Variants in VEGFC observed in about 807,000 individuals in gnomAD.
VEGFC encodes the protein FLT4 ligand DHM.
VEGFC carries 12 observed loss-of-function variants against 46.1 expected under a neutral mutation model. The observed-to-expected ratio is 0.26, with a 90% CI of 0.17 to 0.42. VEGFC has a LOEUF of 0.42. Ranked by LOEUF, VEGFC falls within the 10% of genes least tolerant of loss-of-function variation. The probability of loss-of-function intolerance (pLI) is 1.00; values close to 1 mark genes in which losing one functional copy is unlikely to be tolerated. For synonymous variants in VEGFC, 232 were observed against 195.5 expected, an observed-to-expected ratio of 1.19 and a Z score of -1.56; for missense variants, 488 against 529.4, an observed-to-expected ratio of 0.92 and a Z score of 0.77.
Position 176,719,204 on chromosome 4 carries a change from A to G in VEGFC, c.553-7554T>C, listed in dbSNP as rs73872163. ...AGTATCTATAAAAAACTTGAGTTTA[A>G]CATTACCTAAGGTACATTGTCCTTA... On this transcript the variant is annotated intron_variant, in intron 3 of 6. Coordinates refer to ENST00000618562, the MANE Select transcript of VEGFC (RefSeq NM_005429.5). 2.1e-3 allele frequency among the ~76,000 whole-genome samples: 315 copies of G among 152,354 alleles called. 3 individuals are homozygous for G. Among genetic ancestry groups the G allele is most frequent in the African/African-American group, 7.3e-3 (302 of 41,584 alleles).
At chr4:176,752,613 T>C (rs1481415569) in intron 1 of VEGFC, among the ~76,000 whole-genome samples, 1 of 152,096 alleles carries the variant, frequency 6.6e-6, no homozygotes, top group Non-Finnish European at 1.5e-5. Flanking sequence ...AGACATCCTC[T>C]GATTAAAATT....
intron 4 of VEGFC, among the ~76,000 whole-genome samples, chr4:176,702,424 T>C (rs756715749): frequency 6.6e-6 from 1 of 152,152 alleles, no homozygotes; most frequent in Non-Finnish European, 1.5e-5. Context: ...ATATTTATTA[T>C]CCATTAAAAA....
intron 1 of VEGFC, among the ~76,000 whole-genome samples, chr4:176,736,066 G>A (rs555210433): frequency 2.3e-4 from 35 of 151,740 alleles, no homozygotes; most frequent in Non-Finnish European, 4.1e-4. Context: ...GCCCCACCTC[G>A]AAGACCCACC....
intron 3 of VEGFC, among the ~76,000 whole-genome samples, chr4:176,712,141 G>A (rs906070389): frequency 9.2e-5 from 14 of 152,040 alleles, no homozygotes; most frequent in African/African-American, 2.9e-4. Flanking sequence ...TTACATAGAT[G>A]TAAAGTTAAT....
chr4:176,750,947 A>AG (rs1392837219), intron 1 of VEGFC, among the ~76,000 whole-genome samples: 2 of 151,848 alleles, frequency 1.3e-5, no homozygotes, highest in East Asian at 3.9e-4. Context: ...AAGAAAAAAA[A>AG]GAAAGAGAAC....
At chr4:176,769,211 A>T (rs777514244) in intron 1 of VEGFC, among the ~76,000 whole-genome samples, 5 of 152,106 alleles carry the variant, frequency 3.3e-5, no homozygotes, top group Admixed American at 6.5e-5. Flanking sequence ...CAACCTCCAG[A>T]ACTATGAACA....
chr4:176,728,104 TG>T, intron 2 of VEGFC, 136 bp from the exon 3 acceptor site: 1 of 606,918 alleles, frequency 1.6e-6, no homozygotes, highest in Admixed American at 3.6e-5. Flanking sequence ...AGACAGCTGA[TG>T]GGATCCTAAA....
intron 1 of VEGFC, among the ~76,000 whole-genome samples, chr4:176,788,442 T>A (rs375604741): frequency 6.6e-6 from 1 of 152,220 alleles, no homozygotes; most frequent in South Asian, 2.1e-4. Context: ...GCAGAGGGGC[T>A]GAAAGGAGTC....
intron 1 of VEGFC, among the ~76,000 whole-genome samples, chr4:176,732,617 G>A (rs1734986288): frequency 1.3e-5 from 2 of 151,766 alleles, no homozygotes; most frequent in South Asian, 4.1e-4. Context: ...ATCCGTGAAA[G>A]TGGATGGAAA....
chr4:176,759,892 A>T (rs28608152), intron 1 of VEGFC, among the ~76,000 whole-genome samples: 1 of 152,076 alleles, frequency 6.6e-6, no homozygotes, highest in Non-Finnish European at 1.5e-5. Flanking sequence ...AAATATATTA[A>T]AATATTTTTA....
At chr4:176,770,459 A>G (rs1164277736) in intron 1 of VEGFC, among the ~76,000 whole-genome samples, 1 of 148,748 alleles carries the variant, frequency 6.7e-6, no homozygotes, top group Non-Finnish European at 1.5e-5. Flanking sequence ...ATGATTTTCT[A>G]AATATGCTTA....
In VEGFC at chr4:176,713,821, G is replaced by A. The variant is rs574768897; in HGVS notation, c.553-2171C>T. Among the ~76,000 whole-genome samples the A allele has an allele frequency of 1.9e-4, 29 of 152,306 alleles. No individual in the cohort carries two copies. In the South Asian group the frequency reaches 5.8e-3, roughly 30 times the overall value. On this transcript the variant is annotated intron_variant, in intron 3 of 6. Coordinates refer to ENST00000618562, the MANE Select transcript of VEGFC (RefSeq NM_005429.5). The stretch of plus-strand genomic sequence containing the variant: ...TGATGGAGCATCAGGAGGGGAGACT[G>A]TCAAGCCAACGGGTGCCAGAGAAAG...
rs145504348 is a variant in VEGFC, at chr4:176,768,491, C to CATATATATATATATATATATATATATAT, written c.147+23673_147+23674insATATATATATATATATATATATATATAT. Reference sequence around the variant, plus strand: ...CTGCCAAGTAAGAGGATGTTTTATACATATATATATATATATATATATTTC... The same window carrying CATATATATATATATATATATATATATAT: ...CTGCCAAGTAAGAGGATGTTTTATACATATATATATATATATATATATATATATATATATATATATATATATATATTTC... On this transcript the variant is annotated intron_variant, in intron 1 of 6. Coordinates refer to ENST00000618562, the MANE Select transcript of VEGFC (RefSeq NM_005429.5). Among the ~76,000 whole-genome samples the CATATATATATATATATATATATATATAT allele has an allele frequency of 6.0e-4, 60 of 100,538 alleles. 2 individuals carry two copies. Among genetic ancestry groups the CATATATATATATATATATATATATATAT allele is most frequent in the South Asian group, 1.0e-3 (2 of 2,002 alleles). 66.0% of individuals were successfully genotyped at this position (100,538 alleles called of 152,430 possible).
rs2111027864 is a variant in VEGFC at position 176,738,303 on chromosome 4, A to C, written c.148-8557T>G. Among the ~76,000 whole-genome samples the C allele has an allele frequency of 2.0e-5, 3 of 152,180 alleles. No homozygotes were observed. The South Asian group carries it at 6.2e-4, about 31-fold the overall frequency. On this transcript the variant is annotated intron_variant, in intron 1 of 6. Transcript: ENST00000618562. The stretch of plus-strand genomic sequence containing the variant: ...ATCACACTACCTGATTTCAAACTAT[A>C]CTACAAGTCAACAGTAACCAAAACA...
intron 4 of VEGFC, among the ~76,000 whole-genome samples, chr4:176,700,157 C>T (rs1734401283): frequency 6.6e-6 from 1 of 152,218 alleles, no homozygotes; most frequent in African/African-American, 2.4e-5. Context: ...TGGCTTACGC[C>T]TGTAATCCCA....
chr4:176,767,291 T>A (rs903206102), intron 1 of VEGFC, among the ~76,000 whole-genome samples: 1 of 152,122 alleles, frequency 6.6e-6, no homozygotes, highest in African/African-American at 2.4e-5. Context: ...TGCTATTACA[T>A]CACCACCACA....
At chr4:176,691,850 C>T (rs112221882) in intron 4 of VEGFC, among the ~76,000 whole-genome samples, 34,425 of 151,492 alleles carry the variant, frequency 0.23, 6,276 homozygotes, top group African/African-American at 0.52. Flanking sequence ...CTGAGCAACG[C>T]AGAAGACGGG....
chr4:176,687,131 G>A, intron 6 of VEGFC, 56 bp downstream of exon 6: 18 of 1,532,224 alleles, frequency 1.2e-5, no homozygotes, highest in Non-Finnish European at 1.5e-5. Flanking sequence ...AACTGCTTTT[G>A]GTTTAGAGCA....
At chr4:176,687,040 T>C (rs56354194) in intron 6 of VEGFC, 147 bp downstream of exon 6, 15,430 of 908,354 alleles carry the variant, frequency 0.017, 161 homozygotes, top group Non-Finnish European at 0.022. Flanking sequence ...AAGTTTAGCA[T>C]TGGTTAAAAA....
Sources: gnomAD v4.1 joint callset for allele counts (sites outside exome capture counted in the v4.1 genomes callset) on GRCh38, gnomAD v4.1.1 for gene constraint, MANE v1.5 for transcripts, NCBI Gene and HGNC (gene_info 2026-07-23, HGNC 2026-07-21) for gene names.